Variants in ANKRD28 observed in about 807,000 individuals in gnomAD.
ANKRD28 encodes the protein ankyrin repeat domain 28.
In ANKRD28, 44 loss-of-function variants were observed where a neutral mutation model predicts 126.5. The ratio of observed to expected loss-of-function variants is 0.35; its 90% CI spans 0.27 to 0.45. ANKRD28 has a LOEUF of 0.45. Among genes scored for constraint, ANKRD28 ranks in the 20% least tolerant of loss-of-function variants. The pLI, the probability that ANKRD28 is intolerant of heterozygous loss-of-function variation, is 1.00. For missense variants in ANKRD28, 1,110 were observed against 1,316.6 expected, an observed-to-expected ratio of 0.84 and a Z score of 2.43; for synonymous variants, 442 against 468.5, an observed-to-expected ratio of 0.94 and a Z score of 0.73.
chr3:15,794,656 T>C (rs1297783332), intron 2 of ANKRD28, among the ~76,000 whole-genome samples: 4 of 152,204 alleles, frequency 2.6e-5, no homozygotes, highest in Non-Finnish European at 5.9e-5. Flanking sequence ...GCACTGAATA[T>C]ACTACTGTAT....
At chr3:15,806,547 A>AG (rs1391847477) in intron 1 of ANKRD28, among the ~76,000 whole-genome samples, 1 of 151,496 alleles carries the variant, frequency 6.6e-6, no homozygotes, top group Admixed American at 6.6e-5. Context: ...TTTGAGACAG[A>AG]GTCTCACTCT....
intron 14 of ANKRD28, among the ~76,000 whole-genome samples, chr3:15,706,981 A>C (rs1209401215): frequency 6.6e-6 from 1 of 152,262 alleles, no homozygotes; most frequent in Non-Finnish European, 1.5e-5. Context: ...AACATAAAAA[A>C]AGTTACTTAT....
chr3:15,773,380 T>G (rs536475487), intron 2 of ANKRD28, among the ~76,000 whole-genome samples: 1 of 152,196 alleles, frequency 6.6e-6, no homozygotes, highest in African/African-American at 2.4e-5. Flanking sequence ...AACCCAGTAC[T>G]ATGGGAGGCT....
chr3:15,704,216 T>A (rs950555149), intron 14 of ANKRD28, among the ~76,000 whole-genome samples: 6 of 152,052 alleles, frequency 3.9e-5, no homozygotes, highest in Admixed American at 3.9e-4. Flanking sequence ...ATAAAGACAC[T>A]TCAGAGGACT....
chr3:15,777,718 G>A (rs570596275), intron 2 of ANKRD28, among the ~76,000 whole-genome samples: 5 of 152,072 alleles, frequency 3.3e-5, no homozygotes, highest in African/African-American at 7.2e-5. Flanking sequence ...CCGAAATATG[G>A]AGAATGGTAG....
At chr3:15,777,231 G>A (rs2059317105) in intron 2 of ANKRD28, among the ~76,000 whole-genome samples, 1 of 147,268 alleles carries the variant, frequency 6.8e-6, no homozygotes, top group Non-Finnish European at 1.5e-5. Context: ...CTGAGATTGC[G>A]CCACTGTACC....
intron 14 of ANKRD28, among the ~76,000 whole-genome samples, chr3:15,706,595 GT>G (rs2071463309): frequency 6.6e-6 from 1 of 152,054 alleles, no homozygotes; most frequent in South Asian, 2.1e-4. Context: ...AATCCTTTGG[GT>G]ATATACCCAG....
chr3:15,781,834 T>C (rs2059552776), intron 2 of ANKRD28, among the ~76,000 whole-genome samples: 2 of 152,124 alleles, frequency 1.3e-5, no homozygotes, highest in Admixed American at 1.3e-4. Context: ...ACAAAGGGGC[T>C]GGAATTCTCA....
chr3:15,840,795 T>C (rs540203578), intron 1 of ANKRD28, among the ~76,000 whole-genome samples: 100 of 152,224 alleles, frequency 6.6e-4, no homozygotes, highest in African/African-American at 2.3e-3. Flanking sequence ...AGGGAAAGGG[T>C]AGTCTCTTCA....
chr3:15,797,211 A>AC lies in ANKRD28; in HGVS notation c.-691_-690insG. 1 of 676,932 alleles carries AC rather than the reference A, an allele frequency of 1.5e-6. No homozygotes were observed. The highest frequency in any genetic ancestry group is 4.5e-5 in the African/African-American group (1 of 22,444). The allele number at this position is 676,932 out of a possible 1,614,324, so 41.9% of individuals were successfully genotyped here. On this transcript the variant is annotated 5_prime_UTR_variant, in exon 1 of 28. It removes the in-frame stop codon of an upstream open reading frame in the 5' UTR. Transcript: ENST00000683139. ...GGGAAAGGGGCAAAAAACAAAAACAAAAAAAAAAAAACCACTCTGCATTAA... is the reference window on the plus strand; with the variant it reads ...GGGAAAGGGGCAAAAAACAAAAACAACAAAAAAAAAAACCACTCTGCATTAA...
chr3:15,723,272 A>G (rs1435719212), intron 7 of ANKRD28, among the ~76,000 whole-genome samples: 4 of 152,252 alleles, frequency 2.6e-5, no homozygotes, highest in Admixed American at 2.6e-4. Context: ...ATGGTCCATC[A>G]GTTAAGAGCC....
Position 15,816,663 on chromosome 3 carries a change from A to G in ANKRD28, c.28-21357T>C, listed in dbSNP as rs1029329771. ...ACCCACTAGATGCTAACTAACAAAC[A>G]TTTAAGTTACATGAAACTGAAAAAT... On this transcript the variant is annotated intron_variant, in intron 1 of 27. Transcript: ENST00000399451. The surrounding 1 kb of genome is among the most constrained non-coding windows in gnomAD (Gnocchi z 5.0). 6.6e-6 allele frequency among the ~76,000 whole-genome samples: 1 copy of G among 152,242 alleles called. No homozygotes were observed. Among genetic ancestry groups the G allele is most frequent in the African/African-American group, 2.4e-5 (1 of 41,480 alleles).
chr3:15,846,160 A>AT lies in ANKRD28; in HGVS notation c.27+13216_27+13217insA, dbSNP rs2061526138. ...CAAGCCCAAAGTCTCATCTGAGACAAGGCAAGTCTCTTCCATCTACGAGTC... is the reference window on the plus strand; with the variant it reads ...CAAGCCCAAAGTCTCATCTGAGACAATGGCAAGTCTCTTCCATCTACGAGTC... On this transcript the variant is annotated intron_variant, in intron 1 of 27. Transcript: ENST00000399451. The surrounding 1 kb of genome is among the most constrained non-coding windows in gnomAD (Gnocchi z 5.4). Among the ~76,000 whole-genome samples, 1 of 151,620 alleles carries AT rather than the reference A, an allele frequency of 6.6e-6. No homozygotes were observed. The highest frequency in any genetic ancestry group is 2.4e-5 in the African/African-American group (1 of 41,258).
chr3:15,789,651 A>C (rs1476417127), intron 2 of ANKRD28, among the ~76,000 whole-genome samples: 1 of 152,020 alleles, frequency 6.6e-6, no homozygotes, highest in Non-Finnish European at 1.5e-5. Flanking sequence ...ACAAGCAAAA[A>C]ACCTCTATTT....
upstream of ANKRD28, chr3:15,798,227 CGT>C (rs200848788): frequency 3.7e-3 from 3,425 of 924,420 alleles, 12 homozygotes; most frequent in East Asian, 0.018. Flanking sequence ...TAACTGCTTT[CGT>C]GTGTTACAAT....
intron 1 of ANKRD28, among the ~76,000 whole-genome samples, chr3:15,851,036 T>C (rs1005224793): frequency 6.6e-6 from 1 of 152,204 alleles, no homozygotes; most frequent in Admixed American, 6.5e-5. Flanking sequence ...ACTGGTTGCT[T>C]CCTTGGTATG....
chr3:15,730,632 T>A (rs924533084), intron 6 of ANKRD28, among the ~76,000 whole-genome samples: 5 of 152,248 alleles, frequency 3.3e-5, no homozygotes, highest in Non-Finnish European at 7.3e-5. Flanking sequence ...TTCACATATT[T>A]AACTCTTTAA....
chr3:15,858,744 T>C (rs1325345417), intron 1 of ANKRD28, among the ~76,000 whole-genome samples: 2 of 152,238 alleles, frequency 1.3e-5, no homozygotes, highest in Non-Finnish European at 2.9e-5. Context: ...AACATTCAGA[T>C]ACAGTTGCGA....
rs142277221 is a variant in ANKRD28, at chr3:15,748,193, T to C, written c.351+3557A>G. On this transcript the variant is annotated intron_variant, in intron 4 of 27. Coordinates refer to ENST00000683139, the MANE Select transcript of ANKRD28 (RefSeq NM_001349278.2). ...GAGCATTTAGGCCATTTACATTCAA[T>C]GTTAGTATTGAGATGTGAGGTACTA... Among the ~76,000 whole-genome samples the C allele has an allele frequency of 5.9e-3, 897 of 152,326 alleles. 6 individuals are homozygous for C. The highest frequency in any genetic ancestry group is 0.02 in the African/African-American group (850 of 41,578).
Sources: gnomAD v4.1 joint callset for allele counts (sites outside exome capture counted in the v4.1 genomes callset) on GRCh38, gnomAD v4.1.1 for gene constraint, Gnocchi (gnomAD v3.1) non-coding constraint, MANE v1.5 for transcripts, NCBI Gene and HGNC (gene_info 2026-07-23, HGNC 2026-07-21) for gene names.